The following RNF220 variants were observed in gnomAD, a reference collection of about 807,000 sequenced individuals.
RNF220 encodes the protein ring finger protein 220, also known as E3 ubiquitin-protein ligase RNF220.
Under a neutral mutation model 67.1 loss-of-function variants are expected in RNF220, and 7 were observed. The ratio of observed to expected loss-of-function variants is 0.10; its 90% CI spans 0.06 to 0.20. The LOEUF is 0.20. RNF220 is among the 10% of genes least tolerant of loss of function. RNF220 has a pLI of 1.00. For synonymous variants in RNF220, 270 were observed against 283.2 expected (o/e 0.95, Z 0.47); for missense variants, 565 against 740.3 (o/e 0.76, Z 2.75).
chr1:44,532,320 T>C (rs1660896316), intron 2 of RNF220, among the ~76,000 whole-genome samples: 1 of 152,240 alleles, frequency 6.6e-6, no homozygotes, highest in Non-Finnish European at 1.5e-5. Flanking sequence ...GTCTCATTGC[T>C]GAGTCATGTC....
intron 2 of RNF220, among the ~76,000 whole-genome samples, chr1:44,510,059 G>A (rs778556237): frequency 1.3e-5 from 2 of 151,706 alleles, no homozygotes; most frequent in African/African-American, 2.4e-5. Flanking sequence ...GGTACATGGC[G>A]AGACTCTGTC....
At chr1:44,446,180 T>C (rs1412407357) in intron 2 of RNF220, among the ~76,000 whole-genome samples, 2 of 152,224 alleles carry the variant, frequency 1.3e-5, no homozygotes, top group Non-Finnish European at 2.9e-5. Flanking sequence ...CTGGTTTACA[T>C]CCATCTCATG....
At chr1:44,411,755 T>C (rs1234866774) in intron 1 of RNF220, among the ~76,000 whole-genome samples, 1 of 152,196 alleles carries the variant, frequency 6.6e-6, no homozygotes, top group Non-Finnish European at 1.5e-5. Flanking sequence ...ACCCAGAACG[T>C]GTAGGGACCA....
At chr1:44,457,841 A>C (rs1653353406) in intron 2 of RNF220, among the ~76,000 whole-genome samples, 1 of 152,220 alleles carries the variant, frequency 6.6e-6, no homozygotes, top group South Asian at 2.1e-4. Context: ...TTAGAAATGC[A>C]CAACCACTTG....
intron 8 of RNF220, among the ~76,000 whole-genome samples, chr1:44,639,860 G>A (rs1644437733): frequency 6.6e-6 from 1 of 152,156 alleles, no homozygotes; most frequent in African/African-American, 2.4e-5. Flanking sequence ...CACGATTTCG[G>A]CTCACTGCAA....
intron 9 of RNF220, 96 bp downstream of exon 9, chr1:44,644,890 C>G (rs544545271): frequency 1.8e-5 from 28 of 1,526,440 alleles, no homozygotes; most frequent in Non-Finnish European, 2.4e-5. Flanking sequence ...CACCACCCCC[C>G]GGGCCAGAGT....
At chr1:44,533,673 G>A (rs1407252075) in intron 2 of RNF220, among the ~76,000 whole-genome samples, 1 of 152,192 alleles carries the variant, frequency 6.6e-6, no homozygotes, top group African/African-American at 2.4e-5. Context: ...TGAGATAGAA[G>A]TACAGGGTGC....
intron 2 of RNF220, among the ~76,000 whole-genome samples, chr1:44,509,884 C>CAAAAAA (rs1557996558): frequency 0.19 from 15,452 of 80,122 alleles, 3,605 homozygotes; most frequent in Non-Finnish European, 0.27. Context: ...GAGACCCTGT[C>CAAAAAA]CAAAAAAAAA....
chr1:44,523,583 T>C (rs1660107487), intron 2 of RNF220, among the ~76,000 whole-genome samples: 1 of 152,182 alleles, frequency 6.6e-6, no homozygotes, highest in Non-Finnish European at 1.5e-5. Context: ...AAACCTCATC[T>C]CTTTACAAAA....
chr1:44,545,797 C>A (rs535815813), intron 2 of RNF220, among the ~76,000 whole-genome samples: 5 of 149,866 alleles, frequency 3.3e-5, no homozygotes, highest in Non-Finnish European at 7.4e-5. Flanking sequence ...ACTCTTGTTG[C>A]CCAGGCTGGA....
chr1:44,474,277 A>C (rs926871235), intron 2 of RNF220, among the ~76,000 whole-genome samples: 18 of 151,868 alleles, frequency 1.2e-4, no homozygotes, highest in African/African-American at 4.4e-4. Flanking sequence ...TGGGAGGCTG[A>C]GGCAGGAGAA....
chr1:44,553,075 A>G (rs1162879902), intron 2 of RNF220, among the ~76,000 whole-genome samples: 1 of 151,408 alleles, frequency 6.6e-6, no homozygotes, highest in African/African-American at 2.4e-5. Flanking sequence ...CCCCCTGTCA[A>G]CTCCAAGATT....
chr1:44,535,121 G>A (rs485221), intron 2 of RNF220, among the ~76,000 whole-genome samples: 1 of 150,932 alleles, frequency 6.6e-6, no homozygotes, highest in African/African-American at 2.4e-5. Flanking sequence ...AGGGGCTTCA[G>A]GAGGCAGCTT....
At chr1:44,552,692 T>G (rs1228016803) in intron 2 of RNF220, among the ~76,000 whole-genome samples, 2 of 144,732 alleles carry the variant, frequency 1.4e-5, no homozygotes, top group African/African-American at 5.1e-5. Context: ...TGCCTCAGCC[T>G]CCCGAGTAGC....
intron 2 of RNF220, among the ~76,000 whole-genome samples, chr1:44,601,060 G>A (rs1666886634): frequency 6.6e-6 from 1 of 152,104 alleles, no homozygotes; most frequent in South Asian, 2.1e-4. Context: ...TCTCTCACTA[G>A]ACTGTTAGCT....
chr1:44,609,206 ATACTCT>A (rs1279803981), intron 2 of RNF220, among the ~76,000 whole-genome samples: 2 of 152,136 alleles, frequency 1.3e-5, no homozygotes, highest in Non-Finnish European at 2.9e-5. Flanking sequence ...ACCCACACAC[ATACTCT>A]TAAAAGTCCC....
chr1:44,628,325 A>T (rs1473959917), intron 5 of RNF220, among the ~76,000 whole-genome samples: 1 of 152,216 alleles, frequency 6.6e-6, no homozygotes, highest in Non-Finnish European at 1.5e-5. Context: ...TATTTCTTTT[A>T]TCTCCTAGAG....
chr1:44,488,975 C>A (rs1656609478), intron 2 of RNF220, among the ~76,000 whole-genome samples: 1 of 152,130 alleles, frequency 6.6e-6, no homozygotes, highest in African/African-American at 2.4e-5. Context: ...AAGTGATCTG[C>A]CAGCCTTGGC....
At chr1:44,581,993 A>G (rs1235264444) in intron 2 of RNF220, among the ~76,000 whole-genome samples, 1 of 152,190 alleles carries the variant, frequency 6.6e-6, no homozygotes, top group Non-Finnish European at 1.5e-5. Flanking sequence ...CTGACTTTCC[A>G]CATTCGGCCT....
Sources: gnomAD v4.1 joint callset for allele counts (sites outside exome capture counted in the v4.1 genomes callset) on GRCh38, gnomAD v4.1.1 for gene constraint, MANE v1.5 for transcripts, NCBI Gene and HGNC (gene_info 2026-07-23, HGNC 2026-07-21) for gene names.